The following NRXN1 variants were observed in gnomAD, a reference collection of about 807,000 sequenced individuals.
NRXN1 encodes the protein neurexin-1.
NRXN1 carries 39 observed loss-of-function variants against 150.9 expected under a neutral mutation model. The observed-to-expected ratio is 0.26, with a 90% CI of 0.20 to 0.34. NRXN1 has a LOEUF of 0.34. Among genes scored for constraint, NRXN1 ranks in the 10% least tolerant of loss-of-function variants. The pLI, the probability that NRXN1 is intolerant of heterozygous loss-of-function variation, is 1.00. For missense variants in NRXN1, 1,815 were observed against 1,949.9 expected (o/e 0.93, Z 1.30); for synonymous variants, 924 against 757.0 (o/e 1.22, Z -3.62).
chr2:50,154,986 T>C (rs1240838353), intron 18 of NRXN1, among the ~76,000 whole-genome samples: 1 of 151,638 alleles, frequency 6.6e-6, no homozygotes, highest in Admixed American at 6.6e-5. Context: ...AATAAAAGTA[T>C]AAAATCATTC....
chr2:50,246,227 G>A (rs2066488650), intron 17 of NRXN1, among the ~76,000 whole-genome samples: 1 of 151,868 alleles, frequency 6.6e-6, no homozygotes, highest in East Asian at 1.9e-4. Flanking sequence ...TCTAAATTGT[G>A]GACCAAAGCT....
At chr2:50,180,610 G>A (rs1288242678) in intron 18 of NRXN1, among the ~76,000 whole-genome samples, 1 of 152,066 alleles carries the variant, frequency 6.6e-6, no homozygotes, top group African/African-American at 2.4e-5. Flanking sequence ...TGCCTTATGA[G>A]GAAAAGGATT....
chr2:50,749,972 C>A (rs570922165), intron 5 of NRXN1, among the ~76,000 whole-genome samples: 16 of 152,060 alleles, frequency 1.1e-4, no homozygotes, highest in Non-Finnish European at 2.1e-4. Flanking sequence ...ACTTCAGATT[C>A]GTGGTTTTAA....
At position 50,627,615 on chromosome 2, in the gene NRXN1, G is replaced by C. The variant is rs867737184; in HGVS notation, c.833-4000C>G. 3.4e-5 allele frequency among the ~76,000 whole-genome samples: 5 copies of C among 148,334 alleles called. No homozygotes were observed. In the South Asian group the frequency reaches 1.1e-3, roughly 32 times the overall value. On this transcript the variant is annotated intron_variant, in intron 5 of 22. Transcript: ENST00000401669. ...TCTATGAAAGCTTTTGTCAGACACAGACACACACACACACACACACACGAG... is the reference window on the plus strand; with the variant it reads ...TCTATGAAAGCTTTTGTCAGACACACACACACACACACACACACACACGAG...
At chr2:50,381,743 A>G (rs1252853129) in intron 17 of NRXN1, among the ~76,000 whole-genome samples, 1 of 152,166 alleles carries the variant, frequency 6.6e-6, no homozygotes, top group African/African-American at 2.4e-5. Flanking sequence ...GCACCATCCT[A>G]ATAGTTTTAA....
At chr2:50,772,527 G>A (rs1180128244) in intron 5 of NRXN1, among the ~76,000 whole-genome samples, 1 of 151,814 alleles carries the variant, frequency 6.6e-6, no homozygotes, top group Admixed American at 6.6e-5. Flanking sequence ...ATTGTACAAA[G>A]GAGTTCAGGA....
intron 18 of NRXN1, among the ~76,000 whole-genome samples, chr2:50,190,038 A>C (rs758681014): frequency 2.6e-5 from 4 of 152,192 alleles, no homozygotes; most frequent in Admixed American, 6.5e-5. Flanking sequence ...TTCTAATACT[A>C]TGTCATTGAT....
intron 17 of NRXN1, among the ~76,000 whole-genome samples, chr2:50,438,941 C>T (rs1019211512): frequency 6.6e-6 from 1 of 152,176 alleles, no homozygotes; most frequent in Non-Finnish European, 1.5e-5. Flanking sequence ...AAAAGACTTG[C>T]TATTTCTATA....
intron 18 of NRXN1, among the ~76,000 whole-genome samples, chr2:50,195,286 C>T (rs2061686127): frequency 6.6e-6 from 1 of 152,120 alleles, no homozygotes; most frequent in Admixed American, 6.6e-5. Flanking sequence ...AAGATCAATT[C>T]TTCATGTCCA....
At chr2:50,050,435 G>T (rs1337881840) in intron 21 of NRXN1, among the ~76,000 whole-genome samples, 1 of 151,940 alleles carries the variant, frequency 6.6e-6, no homozygotes, top group Non-Finnish European at 1.5e-5. Context: ...AGCTTAAGTG[G>T]CTCAGTGTTA....
intron 5 of NRXN1, among the ~76,000 whole-genome samples, chr2:50,671,527 TC>T (rs1413248480): frequency 1.3e-5 from 2 of 151,722 alleles, no homozygotes; most frequent in Non-Finnish European, 3.0e-5. Flanking sequence ...TATTTAATAT[TC>T]ATCCAGTCAG....
At chr2:50,243,669 C>A (rs1379838815) in intron 17 of NRXN1, among the ~76,000 whole-genome samples, 1 of 151,724 alleles carries the variant, frequency 6.6e-6, no homozygotes, top group African/African-American at 2.4e-5. Flanking sequence ...ACTGTCATAC[C>A]TCCAGTATCC....
At chr2:50,854,602 G>A (rs1307359618) in intron 5 of NRXN1, among the ~76,000 whole-genome samples, 3 of 151,974 alleles carry the variant, frequency 2.0e-5, no homozygotes, top group Non-Finnish European at 2.9e-5. Context: ...ATTATAGTTC[G>A]AGGAAAATAA....
At chr2:50,694,707 G>A (rs1055415325) in intron 5 of NRXN1, among the ~76,000 whole-genome samples, 2 of 152,172 alleles carry the variant, frequency 1.3e-5, no homozygotes, top group Middle Eastern at 3.4e-3. Flanking sequence ...AGTAGGTGGA[G>A]GTTACATTCT....
At chr2:50,087,681 T>C (rs890682399) in intron 19 of NRXN1, among the ~76,000 whole-genome samples, 2 of 152,166 alleles carry the variant, frequency 1.3e-5, no homozygotes, top group African/African-American at 4.8e-5. Context: ...TAGAAAATAA[T>C]GGATACTAGG....
intron 5 of NRXN1, among the ~76,000 whole-genome samples, chr2:50,744,467 C>T (rs1344741281): frequency 3.9e-5 from 6 of 151,930 alleles, no homozygotes; most frequent in Non-Finnish European, 7.4e-5. Context: ...TACTACTTAT[C>T]GAGAATCTAT....
intron 18 of NRXN1, among the ~76,000 whole-genome samples, chr2:50,102,924 G>A (rs1287775066): frequency 6.6e-6 from 1 of 151,962 alleles, no homozygotes; most frequent in African/African-American, 2.4e-5. Context: ...ACTAGGTTAT[G>A]GAATAATGCG....
At chr2:50,028,902 C>T (rs866825678) in intron 21 of NRXN1, among the ~76,000 whole-genome samples, 2 of 152,170 alleles carry the variant, frequency 1.3e-5, no homozygotes, top group Middle Eastern at 3.4e-3. Flanking sequence ...AACTATATAA[C>T]CAAGGAAATG....
At chr2:50,745,303 C>CG (rs1027768762) in intron 5 of NRXN1, among the ~76,000 whole-genome samples, 2 of 145,102 alleles carry the variant, frequency 1.4e-5, no homozygotes, top group Admixed American at 7.0e-5. Context: ...ATATCTGCCC[C>CG]CCCCCAGGAC....
Sources: allele counts gnomAD v4.1 joint callset (sites outside exome capture counted in the v4.1 genomes callset), GRCh38; gene constraint gnomAD v4.1.1; transcripts MANE v1.5; gene names NCBI Gene and HGNC (gene_info 2026-07-23, HGNC 2026-07-21).